The following TRABD2B variants were observed in gnomAD, a reference collection of about 807,000 sequenced individuals.
The protein encoded by TRABD2B is metalloprotease TIKI2.
Under a neutral mutation model 40.1 loss-of-function variants are expected in TRABD2B, and 14 were observed. That is an observed-to-expected ratio of 0.35 (90% confidence interval 0.23 to 0.55). The LOEUF (loss-of-function observed/expected upper bound fraction) is 0.55. TRABD2B is among the 20% of genes least tolerant of loss of function. The pLI, the probability that TRABD2B is intolerant of heterozygous loss-of-function variation, is 0.90. For synonymous variants in TRABD2B, 263 were observed against 277.0 expected (o/e 0.95, Z 0.50); for missense variants, 541 against 648.6 (o/e 0.83, Z 1.80).
At chr1:47,959,747 G>A (rs889012842) in intron 2 of TRABD2B, among the ~76,000 whole-genome samples, 9 of 152,054 alleles carry the variant, frequency 5.9e-5, no homozygotes, top group Non-Finnish European at 1.0e-4. Flanking sequence ...AACAGTCCAG[G>A]ACCAGATAGA....
At chr1:47,967,743 C>A (rs1441415455) in intron 2 of TRABD2B, among the ~76,000 whole-genome samples, 1 of 152,178 alleles carries the variant, frequency 6.6e-6, no homozygotes, top group Non-Finnish European at 1.5e-5. Flanking sequence ...ACTATATACA[C>A]CTCACCATGT....
intron 2 of TRABD2B, among the ~76,000 whole-genome samples, chr1:47,839,952 T>C (rs1645373263): frequency 6.6e-6 from 1 of 152,170 alleles, no homozygotes; most frequent in Non-Finnish European, 1.5e-5. Context: ...TTGCTGCCAC[T>C]GTCATCAGCC....
chr1:47,806,093 C>T (rs1644888290), intron 2 of TRABD2B, among the ~76,000 whole-genome samples: 2 of 152,192 alleles, frequency 1.3e-5, no homozygotes, highest in Admixed American at 6.5e-5. Flanking sequence ...CGTCTGGCAC[C>T]GGACCAGGTT....
intron 2 of TRABD2B, among the ~76,000 whole-genome samples, chr1:47,987,932 A>T (rs1266094166): frequency 6.6e-6 from 1 of 152,146 alleles, no homozygotes; most frequent in Non-Finnish European, 1.5e-5. Flanking sequence ...GTTTAATTCC[A>T]CGGTGATGGA....
intron 2 of TRABD2B, among the ~76,000 whole-genome samples, chr1:47,913,311 G>A (rs1644787266): frequency 6.6e-6 from 1 of 152,196 alleles, no homozygotes; most frequent in Non-Finnish European, 1.5e-5. Context: ...TCCTGGGGCT[G>A]GGAACGGGAT....
At chr1:47,990,572 G>T (rs1268354411) in intron 2 of TRABD2B, among the ~76,000 whole-genome samples, 1 of 151,552 alleles carries the variant, frequency 6.6e-6, no homozygotes, top group Non-Finnish European at 1.5e-5. Context: ...AGCCAGCCTA[G>T]ACTGTTTGCC....
At chr1:47,991,459 G>T (rs906663159) in intron 2 of TRABD2B, among the ~76,000 whole-genome samples, 1 of 152,170 alleles carries the variant, frequency 6.6e-6, no homozygotes, top group African/African-American at 2.4e-5. Flanking sequence ...TCACGGTGAT[G>T]TTGGGTCTAG....
intron 2 of TRABD2B, among the ~76,000 whole-genome samples, chr1:47,983,880 G>C (rs1254017246): frequency 6.6e-6 from 1 of 152,120 alleles, no homozygotes; most frequent in Non-Finnish European, 1.5e-5. Flanking sequence ...CGATGCAAAT[G>C]GTTGAAATTA....
At chr1:47,972,496 C>G (rs1207099803) in intron 2 of TRABD2B, among the ~76,000 whole-genome samples, 1 of 152,104 alleles carries the variant, frequency 6.6e-6, no homozygotes, top group East Asian at 1.9e-4. Context: ...GGATTAGCAC[C>G]CTTATAAAAG....
At chr1:47,938,996 G>A (rs1386963840) in intron 2 of TRABD2B, among the ~76,000 whole-genome samples, 1 of 152,032 alleles carries the variant, frequency 6.6e-6, no homozygotes, top group Non-Finnish European at 1.5e-5. Context: ...GAATTAGGAG[G>A]AAGAAACAGC....
intron 2 of TRABD2B, among the ~76,000 whole-genome samples, chr1:47,935,889 T>C (rs909100371): frequency 5.9e-5 from 9 of 152,252 alleles, no homozygotes; most frequent in Admixed American, 6.5e-5. Context: ...GCTTCAACTT[T>C]AGAGGAAGGC....
intron 2 of TRABD2B, among the ~76,000 whole-genome samples, chr1:47,976,170 G>A (rs1295136462): frequency 6.6e-6 from 1 of 152,154 alleles, no homozygotes; most frequent in Non-Finnish European, 1.5e-5. Flanking sequence ...GCTCTAAAAG[G>A]TCTTGCACTT....
intron 2 of TRABD2B, among the ~76,000 whole-genome samples, chr1:47,830,063 T>C (rs1570068447): frequency 6.6e-6 from 1 of 151,988 alleles, no homozygotes; most frequent in East Asian, 1.9e-4. Context: ...AGCTAAGTAT[T>C]ATTCTTGAGA....
At chr1:47,899,605 G>A (rs1644571996) in intron 2 of TRABD2B, among the ~76,000 whole-genome samples, 1 of 152,224 alleles carries the variant, frequency 6.6e-6, no homozygotes, top group Non-Finnish European at 1.5e-5. Context: ...GGGAAACCAT[G>A]GAAGGCTTTC....
chr1:47,859,572 G>A (rs887562164), intron 2 of TRABD2B, among the ~76,000 whole-genome samples: 1 of 152,196 alleles, frequency 6.6e-6, no homozygotes, highest in Non-Finnish European at 1.5e-5. Context: ...TTTCTGGCCT[G>A]ACCCTGGAGT....
intron 2 of TRABD2B, among the ~76,000 whole-genome samples, chr1:47,876,721 G>T (rs1193993180): frequency 2.0e-5 from 3 of 152,242 alleles, no homozygotes; most frequent in Admixed American, 6.5e-5. Flanking sequence ...GTTCCGGGAG[G>T]GAGTGAGTGC....
chr1:47,764,915 A>T lies in TRABD2B; in HGVS notation c.*987T>A, dbSNP rs974522552. 6.6e-6 allele frequency: 1 copy of T among 152,222 alleles called. No homozygotes were observed. Among genetic ancestry groups the T allele is most frequent in the African/African-American group, 2.4e-5 (1 of 41,448 alleles). 9.4% of individuals were successfully genotyped at this position (152,222 alleles called of 1,614,324 possible). ...GAACTAGCGCAAGAATCAGTGAAGC[A>T]AGTGTGCAAAGTGCTTGCCACGCTG... On this transcript the variant is annotated 3_prime_UTR_variant, in exon 7 of 7. Coordinates refer to ENST00000606738, the MANE Select transcript of TRABD2B (RefSeq NM_001194986.2).
intron 2 of TRABD2B, among the ~76,000 whole-genome samples, chr1:47,914,586 G>A (rs2124714966): frequency 6.6e-6 from 1 of 152,326 alleles, no homozygotes; most frequent in South Asian, 2.1e-4. Context: ...GGTGAGTGCT[G>A]GTACACAAGG....
chr1:47,875,674 C>CAAAAAAAAAAAAAA (rs10541556), intron 2 of TRABD2B, among the ~76,000 whole-genome samples: 19 of 75,918 alleles, frequency 2.5e-4, no homozygotes, highest in East Asian at 7.2e-4. Flanking sequence ...AACCCTGTCT[C>CAAAAAAAAAAAAAA]AAAAAAAAAA....
Sources: gnomAD v4.1 joint callset for allele counts (sites outside exome capture counted in the v4.1 genomes callset) on GRCh38, gnomAD v4.1.1 for gene constraint, MANE v1.5 for transcripts, NCBI Gene and HGNC (gene_info 2026-07-23, HGNC 2026-07-21) for gene names.